Variants in CALR3 observed in about 807,000 individuals in gnomAD.
CALR3 encodes calreticulin-3.
CALR3 carries 39 observed loss-of-function variants against 48.7 expected under a neutral mutation model. That is an observed-to-expected ratio of 0.80 (90% CI 0.62 to 1.05). CALR3 has a LOEUF of 1.05. Among genes scored for constraint, CALR3 ranks in the 50% least tolerant of loss-of-function variants. CALR3 has a pLI of 0.00. For missense variants in CALR3, 449 were observed against 474.7 expected (o/e 0.95, Z 0.50); for synonymous variants, 185 against 172.7 (o/e 1.07, Z -0.56).
chr19:16,490,656 C>T, intron 2 of CALR3, 86 bp from the exon 3 acceptor site: 1 of 1,182,788 alleles, frequency 8.5e-7, no homozygotes, highest in Non-Finnish European at 1.3e-6. Context: ...TTCCCTTACT[C>T]CCAAACATAA....
At position 16,479,100 on chromosome 19, in the gene CALR3, T is replaced by A; in HGVS notation, c.*31A>T. ...ATAGATTAAAGTAGCAATGAGATTT[T>A]ACCAGTCATCCTTATATCCAATGGG... On this transcript the variant is annotated 3_prime_UTR_variant, in exon 9 of 9. Transcript: ENST00000269881. 6.2e-7 allele frequency: 1 copy of A among 1,612,652 alleles called. No homozygotes were observed. Among genetic ancestry groups the A allele is most frequent in the Non-Finnish European group, 8.5e-7 (1 of 1,178,666 alleles).
intron 2 of CALR3, among the ~76,000 whole-genome samples, chr19:16,493,917 G>A (rs986759692): frequency 3.3e-5 from 5 of 151,876 alleles, no homozygotes; most frequent in African/African-American, 9.7e-5. Flanking sequence ...TAATAGAGAC[G>A]GAGTTTCGCC....
chr19:16,487,875 G>A (rs2093391670), intron 3 of CALR3, among the ~76,000 whole-genome samples: 1 of 150,996 alleles, frequency 6.6e-6, no homozygotes, highest in East Asian at 2.0e-4. Flanking sequence ...GTGCAGTGGC[G>A]TGATCTCAGC....
At chr19:16,493,706 T>C (rs1030540741) in intron 2 of CALR3, among the ~76,000 whole-genome samples, 2 of 151,684 alleles carry the variant, frequency 1.3e-5, no homozygotes, top group African/African-American at 4.8e-5. Context: ...TATGCCACCA[T>C]GCTCGGCTAA....
Position 16,482,434 on chromosome 19 carries a change from G to A in CALR3, c.918+16C>T, listed in dbSNP as rs777906520. The A allele has an allele frequency of 3.0e-5, 48 of 1,613,978 alleles. No homozygotes were observed. The highest frequency in any genetic ancestry group is 2.5e-4 in the Admixed American group (15 of 59,974). ...ACACACGCAAAAAATCTAAAGTAAA[G>A]TTAAAACCAAATGACCTGCCAAAGC... On this transcript the variant is annotated intron_variant, in intron 7 of 8. Transcript: ENST00000269881.
At chr19:16,492,861 CAAA>C (rs71178700) in intron 2 of CALR3, among the ~76,000 whole-genome samples, 37 of 124,700 alleles carry the variant, frequency 3.0e-4, no homozygotes, top group African/African-American at 3.1e-4. Flanking sequence ...GACTCCGTCT[CAAA>C]AAAAAAAAAA....
chr19:16,483,983 T>C lies in CALR3; in HGVS notation c.625A>G (p.Thr209Ala), dbSNP rs2093384792. 6.2e-7 allele frequency: 1 copy of C among 1,613,906 alleles called. No homozygotes were observed. Residue 209 changes from threonine (T) to alanine (A), a missense_variant, in exon 5 of 9, where the codon ACG (threonine) becomes GCG (alanine). Coordinates refer to ENST00000269881, the MANE Select transcript of CALR3 (RefSeq NM_145046.5). ...DWNLTSLKKE[T>A]SPAESKDWEQ... The stretch of plus-strand genomic sequence containing the variant: ...CAATCCTTCGATTCTGCCGGGGACG[T>C]TTCCTTCTTGAGTGATGTTAAGTTC...
intron 1 of CALR3, 25 bp from the exon 2 acceptor site, chr19:16,495,877 G>T: frequency 6.2e-7 from 1 of 1,602,238 alleles, no homozygotes. Flanking sequence ...AAATAACACC[G>T]GTTAGAGGTG....
At chr19:16,483,729 T>C (rs2093384457) in intron 5 of CALR3, 3 of 585,582 alleles carry the variant, frequency 5.1e-6, no homozygotes, top group Admixed American at 6.0e-5. Flanking sequence ...AAAAAATAAA[T>C]AAATAAGTAA....
At position 16,484,028 on chromosome 19, in the gene CALR3, C is replaced by T. The variant is rs764707663; in HGVS notation, c.580G>A (p.Gly194Ser). 6.2e-6 allele frequency: 10 copies of T among 1,613,736 alleles called. No individual in the cohort carries two copies. The East Asian group carries it at 6.7e-5, about 11-fold the overall frequency. ...AAGTTCCAGTCGTACTCTATGCTGC[C>T]GGATTCAATTGACTGACCATCAATT... ...VKIDGQSIES[G>S]SIEYDWNLTS... The change falls in exon 5 of 9, where the codon GGC becomes AGC. Residue 194 changes from glycine to serine, a missense_variant. Transcript: ENST00000269881.
At chr19:16,495,209 G>C (rs1224007002) in intron 2 of CALR3, among the ~76,000 whole-genome samples, 3 of 138,830 alleles carry the variant, frequency 2.2e-5, no homozygotes, top group Admixed American at 8.1e-5. Flanking sequence ...CTAGGCGACA[G>C]AGCGAGACTC....
At chr19:16,482,374 G>A in intron 7 of CALR3, 76 bp downstream of exon 7, 2 of 1,521,352 alleles carry the variant, frequency 1.3e-6, no homozygotes, top group Non-Finnish European at 1.8e-6. Context: ...ATGAGACCCT[G>A]TCTCAACAAA....
chr19:16,479,840 C>T (rs1056803279), intron 8 of CALR3, among the ~76,000 whole-genome samples: 2 of 152,074 alleles, frequency 1.3e-5, no homozygotes, highest in Admixed American at 6.6e-5. Context: ...CATGTCAGTA[C>T]TCAGGCAGAC....
chr19:16,490,770 T>A (rs1371860978), intron 2 of CALR3, among the ~76,000 whole-genome samples, 200 bp from the exon 3 acceptor site: 1 of 152,134 alleles, frequency 6.6e-6, no homozygotes, highest in Admixed American at 6.6e-5. Flanking sequence ...ATAATTTTTT[T>A]TTTTTGACAT....
In CALR3 at chr19:16,484,188, T is replaced by C. The variant is rs1230096105; in HGVS notation, c.493-73A>G. The C allele has an allele frequency of 4.2e-6, 6 of 1,444,446 alleles. No individual in the cohort carries two copies. In the African/African-American group the frequency reaches 5.8e-5, roughly 14 times the overall value. The allele number at this position is 1,444,446 out of a possible 1,614,324, so 89.5% of individuals were successfully genotyped here. On this transcript the variant is annotated intron_variant, in intron 4 of 8. Transcript: ENST00000269881. The stretch of plus-strand genomic sequence containing the variant: ...TTTTTCTTTTCTTTTCTTTTTTTTT[T>C]TTTTTTTGAGATGGAGTCTCACTCT...
At chr19:16,488,443 TACC>T (rs1239470159) in intron 3 of CALR3, among the ~76,000 whole-genome samples, 2 of 152,112 alleles carry the variant, frequency 1.3e-5, no homozygotes, top group African/African-American at 4.8e-5. Flanking sequence ...CTCGTTCTGT[TACC>T]CAGGCTGGAG....
chr19:16,489,365 TC>T (rs1568487085), intron 3 of CALR3, among the ~76,000 whole-genome samples: 1 of 152,192 alleles, frequency 6.6e-6, no homozygotes, highest in African/African-American at 2.4e-5. Flanking sequence ...ACGCCTGTAA[TC>T]CCAGCACTTT....
chr19:16,482,561 A>G lies in CALR3; in HGVS notation c.807T>C (p.Gly269=). 1 of 1,614,202 alleles carries G rather than the reference A, an allele frequency of 6.2e-7. No homozygotes were observed. The highest frequency in any genetic ancestry group is 8.5e-7 in the Non-Finnish European group (1 of 1,180,038). ...PPYQDGLKPE[G]IHKDVWLHRK... Reference sequence around the variant, plus strand: ...GGTGGAGCCAGACGTCTTTATGAATACCTTCTGGTTTCAGGCCATCCTGTA... The same window carrying G: ...GGTGGAGCCAGACGTCTTTATGAATGCCTTCTGGTTTCAGGCCATCCTGTA... Residue 269 remains glycine, a synonymous_variant, in exon 7 of 9, where the codon GGT becomes GGC. Transcript: ENST00000269881.
chr19:16,480,844 T>G (rs2122125224), intron 7 of CALR3, 138 bp from the exon 8 acceptor site: 1 of 712,178 alleles, frequency 1.4e-6, no homozygotes, highest in East Asian at 2.9e-5. Context: ...CTTGCTATGT[T>G]GCCTAGGCTG....
Sources: allele counts gnomAD v4.1 joint callset (sites outside exome capture counted in the v4.1 genomes callset), GRCh38; gene constraint gnomAD v4.1.1; transcripts MANE v1.5; gene names NCBI Gene and HGNC (gene_info 2026-07-23, HGNC 2026-07-21).